Variants in KDM5A observed in about 807,000 individuals in gnomAD.
The protein encoded by KDM5A is lysine-specific demethylase 5A.
KDM5A carries 42 observed loss-of-function variants against 193.5 expected under a neutral mutation model. That is an observed-to-expected ratio of 0.22 (90% CI 0.17 to 0.28). The LOEUF (loss-of-function observed/expected upper bound fraction) is 0.28. Among genes scored for constraint, KDM5A ranks in the 10% least tolerant of loss-of-function variants. The pLI is 1.00. For missense variants in KDM5A, 1,692 were observed against 2,055.1 expected (o/e 0.82, Z 3.42); for synonymous variants, 796 against 718.1 (o/e 1.11, Z -1.73).
rs1156544676 is a variant in KDM5A at position 352,216 on chromosome 12, T to A, written c.1138A>T (p.Met380Leu). Residue 380 changes from methionine to leucine, a missense_variant, in exon 9 of 28, where the codon ATG (methionine) becomes TTG (leucine). Physicochemically the swap from Met to Leu is conservative, Grantham distance 15. Coordinates refer to ENST00000399788, the MANE Select transcript of KDM5A (RefSeq NM_001042603.3). ...GATAGCTTACTCACATGGACTGGCA[T>A]ATTAAAATAATCAGACTTAAAATTA... Reference protein sequence around the residue: ...ADNFKSDYFNMPVHMVPTELV... With the variant: ...ADNFKSDYFNLPVHMVPTELV... 1.2e-6 allele frequency: 2 copies of A among 1,608,320 alleles called. No individual in the cohort carries two copies. The highest frequency in any genetic ancestry group is 1.7e-6 in the Non-Finnish European group (2 of 1,176,258).
intron 10 of KDM5A, among the ~76,000 whole-genome samples, chr12:337,753 C>T (rs1346632760): frequency 4.0e-5 from 6 of 151,790 alleles, no homozygotes; most frequent in Non-Finnish European, 7.4e-5. Flanking sequence ...AGCGATTCTC[C>T]TGCCTCAGCC....
intron 6 of KDM5A, 113 bp downstream of exon 6, chr12:356,319 A>AC (rs1944228896): frequency 1.3e-6 from 1 of 756,192 alleles, no homozygotes; most frequent in South Asian, 1.5e-5. Context: ...CCACATTGCG[A>AC]TTTTACAATT....
chr12:323,236 A>AG (rs2137410905), intron 15 of KDM5A, 30 bp from the exon 16 acceptor site: 3 of 1,500,446 alleles, frequency 2.0e-6, no homozygotes, highest in South Asian at 1.3e-5. Flanking sequence ...AAAAAAAAAA[A>AG]AAAGAAAACA....
chr12:386,472 TAAAC>T (rs1326404649), intron 1 of KDM5A, among the ~76,000 whole-genome samples: 1 of 152,210 alleles, frequency 6.6e-6, no homozygotes, highest in African/African-American at 2.4e-5. Context: ...ATGCTACCAA[TAAAC>T]AATCATTTCC....
chr12:358,812 A>G (rs1357104021), intron 5 of KDM5A, among the ~76,000 whole-genome samples: 1 of 152,018 alleles, frequency 6.6e-6, no homozygotes, highest in African/African-American at 2.4e-5. Flanking sequence ...CTTCTACTAA[A>G]AATACAAAAA....
Position 389,134 on chromosome 12 carries a change from T to C in KDM5A, c.-43A>G, listed in dbSNP as rs762419348. 1.3e-5 allele frequency: 20 copies of C among 1,528,244 alleles called. No homozygotes were observed. The highest frequency in any genetic ancestry group is 4.4e-4 in the Middle Eastern group (2 of 4,506). 94.7% of individuals were successfully genotyped at this position (1,528,244 alleles called of 1,614,324 possible). A position where few individuals can be genotyped will look rare whatever the true frequency, so the allele number is the denominator to read the frequency against. ...GGGGGGGGTCCCCGTGGGGAACCGG[T>C]GGAGAAAAGCTGGCTGAAGCCCACT... On this transcript the variant is annotated 5_prime_UTR_variant, in exon 1 of 28. Coordinates refer to ENST00000399788, the MANE Select transcript of KDM5A (RefSeq NM_001042603.3).
intron 24 of KDM5A, among the ~76,000 whole-genome samples, chr12:302,376 A>G (rs898178293): frequency 6.6e-6 from 1 of 152,234 alleles, no homozygotes; most frequent in African/African-American, 2.4e-5. Context: ...CCATACATCT[A>G]CAACCATCTG....
chr12:381,274 A>G (rs1166212618), intron 3 of KDM5A, among the ~76,000 whole-genome samples: 2 of 151,874 alleles, frequency 1.3e-5, no homozygotes, highest in African/African-American at 4.8e-5. Context: ...GATTACAGGC[A>G]TGAGCCACCG....
intron 15 of KDM5A, 150 bp from the exon 16 acceptor site, chr12:323,356 G>T: frequency 1.9e-6 from 2 of 1,076,016 alleles, no homozygotes; most frequent in Non-Finnish European, 2.6e-6. Flanking sequence ...CACATAAAGA[G>T]AAAATCAAAC....
intron 24 of KDM5A, among the ~76,000 whole-genome samples, chr12:298,112 G>A (rs554767640): frequency 2.0e-5 from 3 of 152,200 alleles, no homozygotes; most frequent in African/African-American, 7.2e-5. Context: ...GCGGCTGTGG[G>A]CGCAGCTTCA....
rs758397647 is a variant in KDM5A at position 318,103 on chromosome 12, C to G, written c.2897+3G>C. On this transcript the variant is annotated splice_donor_region_variant and intron_variant, in intron 19 of 27. Coordinates refer to ENST00000399788, the MANE Select transcript of KDM5A (RefSeq NM_001042603.3). ...GAGGCAACTGTCACCAAAATGTGTT[C>G]ACCTTGCCTGTAGGCAGACCTTAGC... The G allele has an allele frequency of 6.2e-7, 1 of 1,610,846 alleles. No individual in the cohort carries two copies. Among genetic ancestry groups the G allele is most frequent in the Non-Finnish European group, 8.5e-7 (1 of 1,177,068 alleles).
intron 4 of KDM5A, among the ~76,000 whole-genome samples, chr12:363,817 T>C (rs1048803840): frequency 4.6e-5 from 7 of 151,972 alleles, no homozygotes; most frequent in African/African-American, 1.7e-4. Context: ...AATGAAAAGA[T>C]AACAGACTAG....
chr12:320,800 G>T (rs545261077), intron 18 of KDM5A, among the ~76,000 whole-genome samples, 195 bp downstream of exon 18: 1 of 152,002 alleles, frequency 6.6e-6, no homozygotes, highest in Admixed American at 6.5e-5. Flanking sequence ...CTTAGTTACA[G>T]AATTTTAAAT....
intron 13 of KDM5A, 58 bp from the exon 14 acceptor site, chr12:329,087 C>A: frequency 2.1e-6 from 3 of 1,410,542 alleles, no homozygotes; most frequent in Non-Finnish European, 2.0e-6. Context: ...AGCACAGAAC[C>A]ACTACTTACC....
intron 12 of KDM5A, among the ~76,000 whole-genome samples, chr12:332,641 T>C (rs1943879509): frequency 6.6e-6 from 1 of 152,206 alleles, no homozygotes; most frequent in South Asian, 2.1e-4. Flanking sequence ...TATTTCATTA[T>C]CTCATGTATT....
At chr12:296,553 A>T (rs939320995) in intron 25 of KDM5A, among the ~76,000 whole-genome samples, 17 of 152,318 alleles carry the variant, frequency 1.1e-4, no homozygotes, top group African/African-American at 4.1e-4. Flanking sequence ...AAAGAGATAA[A>T]CACCCTCCAT....
At chr12:289,907 CTTTTTTTTTTTT>C (rs750918968) in intron 27 of KDM5A, among the ~76,000 whole-genome samples, 1 of 99,658 alleles carries the variant, frequency 1.0e-5, no homozygotes, top group Non-Finnish European at 1.9e-5. Context: ...TTCTTTCTTT[CTTTTTTTTTTTT>C]TTTTTTTTTT....
intron 19 of KDM5A, among the ~76,000 whole-genome samples, chr12:314,099 G>A (rs1943621668): frequency 6.6e-6 from 1 of 152,142 alleles, no homozygotes; most frequent in Non-Finnish European, 1.5e-5. Flanking sequence ...AGGTACTGAG[G>A]CTGAAATCGT....
chr12:341,113 A>G (rs1943998504), intron 10 of KDM5A, among the ~76,000 whole-genome samples: 1 of 152,234 alleles, frequency 6.6e-6, no homozygotes, highest in African/African-American at 2.4e-5. Context: ...GAAAATGTAA[A>G]TATCTGCTCA....
Sources: gnomAD v4.1 joint callset for allele counts (sites outside exome capture counted in the v4.1 genomes callset) on GRCh38, gnomAD v4.1.1 for gene constraint, MANE v1.5 for transcripts, NCBI Gene and HGNC (gene_info 2026-07-23, HGNC 2026-07-21) for gene names.